B4GALT5: variants seen among roughly 807,000 people sequenced by gnomAD.
B4GALT5 encodes beta-1,4-galactosyltransferase 5.
In B4GALT5, 11 loss-of-function variants were observed where a neutral mutation model predicts 45.0. The ratio of observed to expected loss-of-function variants is 0.24; its 90% CI spans 0.15 to 0.40. The LOEUF is 0.40. Among genes scored for constraint, B4GALT5 ranks in the 10% least tolerant of loss-of-function variants. The pLI, the probability that B4GALT5 is intolerant of heterozygous loss-of-function variation, is 1.00. For synonymous variants in B4GALT5, 185 were observed against 182.9 expected, an observed-to-expected ratio of 1.01 and a Z score of -0.09; for missense variants, 337 against 500.2, an observed-to-expected ratio of 0.67 and a Z score of 3.11.
chr20:49,692,250 T>C (rs1355346021), intron 1 of B4GALT5, among the ~76,000 whole-genome samples: 21 of 148,984 alleles, frequency 1.4e-4, no homozygotes, highest in African/African-American at 4.9e-4. Flanking sequence ...TTCACTCCCA[T>C]CCAAAAGAAA....
chr20:49,702,104 C>T lies in B4GALT5; in HGVS notation c.115+11472G>A, dbSNP rs115505001. On this transcript the variant is annotated intron_variant, in intron 1 of 8. Transcript: ENST00000371711. ...AAAAGGAAATACCAAACAAAATGTG[C>T]TTTTCCCTATCTTCGAAATCATCAT... Among the ~76,000 whole-genome samples, 1,342 of 152,232 alleles carry T rather than the reference C, an allele frequency of 8.8e-3. 13 individuals carry two copies. Among genetic ancestry groups the T allele is most frequent in the African/African-American group, 0.031 (1,271 of 41,542 alleles).
At chr20:49,707,537 C>T (rs1257185323) in intron 1 of B4GALT5, among the ~76,000 whole-genome samples, 4 of 151,938 alleles carry the variant, frequency 2.6e-5, no homozygotes, top group Admixed American at 6.6e-5. Flanking sequence ...TTTCAGACTA[C>T]ACTTGAATGG....
At chr20:49,640,808 TCA>T in intron 5 of B4GALT5, 143 bp from the exon 6 acceptor site, 1 of 817,952 alleles carries the variant, frequency 1.2e-6, no homozygotes, top group Non-Finnish European at 1.8e-6. Context: ...ACAAATCAAC[TCA>T]CAGTGTGGCT....
At chr20:49,647,666 T>C (rs1004112745) in intron 2 of B4GALT5, among the ~76,000 whole-genome samples, 1 of 152,230 alleles carries the variant, frequency 6.6e-6, no homozygotes, top group Non-Finnish European at 1.5e-5. Context: ...ATGTGGAAAG[T>C]TATGCATCTT....
intron 1 of B4GALT5, among the ~76,000 whole-genome samples, chr20:49,659,856 C>T (rs2085658313): frequency 6.6e-6 from 1 of 151,518 alleles, no homozygotes; most frequent in South Asian, 2.1e-4. Flanking sequence ...TGGCTCACTG[C>T]ACCTCCACCT....
rs2085645053 is a variant in B4GALT5 at position 49,656,759 on chromosome 20, A to C, written c.116-57T>G. 15 of 1,600,592 alleles carry C rather than the reference A, an allele frequency of 9.4e-6. No homozygotes were observed. The South Asian group carries it at 1.6e-4, about 17-fold the overall frequency. On this transcript the variant is annotated intron_variant, in intron 1 of 8. Coordinates refer to ENST00000371711, the MANE Select transcript of B4GALT5 (RefSeq NM_004776.4). ...GATTCAGAAGCAATCATTTAAAAAA[A>C]CATACCACATAGCTATGGATTTTTT...
chr20:49,713,725 G>A lies in B4GALT5; in HGVS notation c.-35C>T. The A allele has an allele frequency of 2.1e-6, 2 of 945,760 alleles. No homozygotes were observed. The highest frequency in any genetic ancestry group is 1.8e-5 in the African/African-American group (1 of 56,262). The allele number at this position is 945,760 out of a possible 1,614,324, so 58.6% of individuals were successfully genotyped here. A position where few individuals can be genotyped will look rare whatever the true frequency, so the allele number is the denominator to read the frequency against. ...AGGCGGCCGCTAGAGAGCCAGGCCG[G>A]GCCTGCTCCCGCAGCTCCCCGTCCG... On this transcript the variant is annotated 5_prime_UTR_variant, in exon 1 of 9. Coordinates refer to ENST00000371711, the MANE Select transcript of B4GALT5 (RefSeq NM_004776.4).
intron 6 of B4GALT5, 74 bp downstream of exon 6, chr20:49,640,404 A>C (rs1203938851): frequency 3.6e-6 from 5 of 1,372,044 alleles, no homozygotes; most frequent in Admixed American, 2.5e-5. Context: ...GTTGCAGCTA[A>C]TTAGATTTCC....
intron 1 of B4GALT5, among the ~76,000 whole-genome samples, chr20:49,696,652 G>A (rs144466574): frequency 6.6e-6 from 1 of 152,256 alleles, no homozygotes; most frequent in East Asian, 1.9e-4. Flanking sequence ...CAATTCCTGA[G>A]GTGCAAAATT....
chr20:49,663,681 A>AATAAG, intron 1 of B4GALT5, among the ~76,000 whole-genome samples: 1 of 85,004 alleles, frequency 1.2e-5, no homozygotes, highest in Admixed American at 1.3e-4. Context: ...TCAAGAAAAA[A>AATAAG]AAAAAAAAAA....
intron 3 of B4GALT5, among the ~76,000 whole-genome samples, chr20:49,645,869 CT>C (rs1290984822): frequency 6.6e-6 from 1 of 151,846 alleles, no homozygotes; most frequent in African/African-American, 2.4e-5. Flanking sequence ...TTATTTTACC[CT>C]TTTGAAACAG....
At chr20:49,643,494 C>T (rs766817510) in intron 4 of B4GALT5, 32 bp downstream of exon 4, 5 of 1,611,564 alleles carry the variant, frequency 3.1e-6, no homozygotes, top group East Asian at 2.2e-5. Flanking sequence ...AGGTGGGCTT[C>T]TCAGCATTTT....
chr20:49,678,491 C>A (rs1395940603), intron 1 of B4GALT5, among the ~76,000 whole-genome samples: 1 of 152,122 alleles, frequency 6.6e-6, no homozygotes, highest in Non-Finnish European at 1.5e-5. Context: ...AGCCATGAGT[C>A]CCTACGTGGT....
chr20:49,683,385 A>ATTTTTTT (rs66503719), intron 1 of B4GALT5, among the ~76,000 whole-genome samples: 8 of 96,630 alleles, frequency 8.3e-5, no homozygotes, highest in African/African-American at 2.9e-4. Flanking sequence ...ACAGGTTTAA[A>ATTTTTTT]TTTTTTTTTT....
intron 1 of B4GALT5, among the ~76,000 whole-genome samples, chr20:49,690,804 G>A (rs1025454132): frequency 2.0e-5 from 3 of 152,122 alleles, no homozygotes; most frequent in Admixed American, 6.5e-5. Context: ...CTATTTTTAT[G>A]AATTCATGGA....
intron 1 of B4GALT5, among the ~76,000 whole-genome samples, chr20:49,675,983 T>C (rs972405905): frequency 1.3e-5 from 2 of 152,150 alleles, no homozygotes; most frequent in Non-Finnish European, 2.9e-5. Context: ...AACATGTCTG[T>C]AGGCCCTCCC....
chr20:49,691,340 G>C (rs1418763762), intron 1 of B4GALT5, among the ~76,000 whole-genome samples: 2 of 152,046 alleles, frequency 1.3e-5, no homozygotes. Context: ...AACATAGTGA[G>C]GCCCTGTCTC....
intron 1 of B4GALT5, among the ~76,000 whole-genome samples, chr20:49,686,717 T>C (rs2085787088): frequency 8.2e-6 from 1 of 121,644 alleles, no homozygotes; most frequent in Non-Finnish European, 1.7e-5. Context: ...TAGCAAGACC[T>C]TGTCTCTGCC....
intron 1 of B4GALT5, among the ~76,000 whole-genome samples, chr20:49,678,178 T>G (rs1308499811): frequency 2.0e-5 from 3 of 152,218 alleles, no homozygotes; most frequent in Admixed American, 6.5e-5. Flanking sequence ...ACACTGGAAG[T>G]GGGGCCTTGA....
Sources: allele counts gnomAD v4.1 joint callset (sites outside exome capture counted in the v4.1 genomes callset), GRCh38; gene constraint gnomAD v4.1.1; transcripts MANE v1.5; gene names NCBI Gene and HGNC (gene_info 2026-07-23, HGNC 2026-07-21).